TDP1: variants seen among roughly 807,000 people sequenced by gnomAD.
TDP1 encodes tyrosyl-DNA phosphodiesterase 1.
TDP1 carries 64 observed loss-of-function variants against 81.5 expected under a neutral mutation model. The observed-to-expected ratio is 0.79, with a 90% CI of 0.64 to 0.97. The LOEUF (loss-of-function observed/expected upper bound fraction) is 0.97. TDP1 is among the 50% of genes least tolerant of loss of function. The probability of loss-of-function intolerance (pLI) is 0.00; values close to 1 mark genes in which losing one functional copy is unlikely to be tolerated. For missense variants in TDP1, 723 were observed against 743.8 expected (o/e 0.97, Z 0.33); for synonymous variants, 256 against 264.3 (o/e 0.97, Z 0.30).
At chr14:90,033,309 C>T (rs561661834) in intron 16 of TDP1, 95 bp downstream of exon 16, 6 of 786,336 alleles carry the variant, frequency 7.6e-6, no homozygotes, top group African/African-American at 1.7e-5. Flanking sequence ...GATCCTGGCT[C>T]ATGGAACCCT....
intron 15 of TDP1, among the ~76,000 whole-genome samples, chr14:90,020,375 C>CTTCCCTCCCTCT (rs1885849180): frequency 7.8e-6 from 1 of 128,884 alleles, no homozygotes; most frequent in African/African-American, 3.6e-5. Flanking sequence ...TCCCTCCCTC[C>CTTCCCTCCCTCT]CTTCCTTCCT....
intron 14 of TDP1, among the ~76,000 whole-genome samples, chr14:90,007,526 T>G (rs145333226): frequency 9.6e-4 from 146 of 152,034 alleles, no homozygotes; most frequent in African/African-American, 3.4e-3. Flanking sequence ...GAAGCAGAGG[T>G]GGCAGTGAGC....
rs74080557 is a variant in TDP1 at position 90,027,410 on chromosome 14, G to A, written c.1645-5696G>A. 2.2e-3 allele frequency among the ~76,000 whole-genome samples: 342 copies of A among 152,000 alleles called. 4 individuals are homozygous for A. Among genetic ancestry groups the A allele is most frequent in the African/African-American group, 7.6e-3 (313 of 41,412 alleles). On this transcript the variant is annotated intron_variant, in intron 15 of 16. Transcript: ENST00000335725. ...ATCTTTGGCCCACGAGATGATGTCC[G>A]GACTCCTTTGTGTGACATCAAGGTC...
At chr14:89,970,875 G>T in intron 5 of TDP1, 1 of 524,916 alleles carries the variant, frequency 1.9e-6, no homozygotes, top group Non-Finnish European at 2.4e-6. Context: ...GTCTTGCTCT[G>T]GCACCCAGGC....
intron 2 of TDP1, 159 bp from the exon 3 acceptor site, chr14:89,962,949 T>C: frequency 1.0e-6 from 1 of 985,374 alleles, no homozygotes; most frequent in African/African-American, 1.7e-5. Context: ...TAGTGGATTC[T>C]GGTAATGTGC....
chr14:90,038,825 G>A (rs533994296), intron 16 of TDP1, among the ~76,000 whole-genome samples: 1 of 151,316 alleles, frequency 6.6e-6, no homozygotes, highest in South Asian at 2.1e-4. Flanking sequence ...GTGACAGAGC[G>A]AGACTCCATC....
chr14:90,043,108 C>A lies in TDP1; in HGVS notation c.1792C>A (p.Pro598Thr). ...WIWNIPYVKA[P>T]DTHGNMWVPS ...ATGGAACATTCCTTATGTCAAAGCA[C>A]CGGATACGCATGGGAACATGTGGGT... Residue 598 changes from proline to threonine, a missense_variant, in exon 17 of 17, where the codon CCG becomes ACG. Transcript: ENST00000335725. 6.2e-7 allele frequency: 1 copy of A among 1,614,192 alleles called. No individual in the cohort carries two copies. Among genetic ancestry groups the A allele is most frequent in the Non-Finnish European group, 8.5e-7 (1 of 1,180,036 alleles).
chr14:89,988,568 A>C (rs1895827771), intron 10 of TDP1: 1 of 979,140 alleles, frequency 1.0e-6, no homozygotes, highest in Admixed American at 6.2e-5. Flanking sequence ...TGTGATTTCA[A>C]GTAAAAAAAA....
intron 14 of TDP1, among the ~76,000 whole-genome samples, chr14:90,007,043 A>C (rs1884111293): frequency 6.6e-6 from 1 of 152,142 alleles, no homozygotes; most frequent in Admixed American, 6.5e-5. Flanking sequence ...GGCTTTCAAA[A>C]TTAGTCATTG....
intron 16 of TDP1, among the ~76,000 whole-genome samples, chr14:90,042,347 T>C (rs1233824961): frequency 1.3e-5 from 2 of 152,148 alleles, no homozygotes; most frequent in African/African-American, 2.4e-5. Flanking sequence ...CCAGATACAA[T>C]GTCTATGTGG....
At chr14:89,955,920 G>GGCC (rs35210768), upstream of TDP1, 11,114 of 152,408 alleles carry the variant, frequency 0.073, 714 homozygotes, top group South Asian at 0.22. Flanking sequence ...CATGCGCGGC[G>GGCC]GCCGCCGAAG....
chr14:89,980,814 C>T (rs1017804399), intron 8 of TDP1, 182 bp downstream of exon 8: 1 of 612,042 alleles, frequency 1.6e-6, no homozygotes, highest in South Asian at 1.9e-5. Flanking sequence ...CCCATTCTAC[C>T]TTCTTGGGGT....
intron 14 of TDP1, among the ~76,000 whole-genome samples, chr14:89,996,275 G>A (rs1896643955): frequency 6.6e-6 from 1 of 152,038 alleles, no homozygotes; most frequent in Admixed American, 6.6e-5. Context: ...CCTCAGTTTG[G>A]AAGTCATGCC....
chr14:90,036,816 TAA>T (rs10645574), intron 16 of TDP1, among the ~76,000 whole-genome samples: 5 of 131,604 alleles, frequency 3.8e-5, no homozygotes, highest in Admixed American at 7.8e-5. Context: ...CCCCGCCCCT[TAA>T]AAAAAAAAAA....
intron 14 of TDP1, among the ~76,000 whole-genome samples, chr14:90,005,927 T>C (rs1412926941): frequency 1.3e-5 from 2 of 152,222 alleles, no homozygotes; most frequent in Non-Finnish European, 2.9e-5. Flanking sequence ...TTTGGATTAT[T>C]GATGTGATGA....
rs1464018873 is a variant in TDP1 at position 89,988,983 on chromosome 14, T to A, written c.1210T>A (p.Leu404Met). The part of the protein sequence containing the change: ...VVGQFSSVGS[L>M]GADESKWLCS... ...AGGTCAGTTTTCAAGCGTTGGCTCC[T>A]TGGGAGCCGATGAATCAAAGTGGTT... Residue 404 changes from leucine (L) to methionine (M), a missense_variant, in exon 11 of 17, where the codon TTG (leucine) becomes ATG (methionine). Coordinates refer to ENST00000335725, the MANE Select transcript of TDP1 (RefSeq NM_018319.4). The A allele has an allele frequency of 1.9e-6, 3 of 1,614,082 alleles. 1 individual carries two copies. The highest frequency in any genetic ancestry group is 2.2e-5 in the South Asian group (2 of 91,084).
chr14:90,006,702 A>G (rs1467116131), intron 14 of TDP1, among the ~76,000 whole-genome samples: 1 of 151,500 alleles, frequency 6.6e-6, no homozygotes, highest in South Asian at 2.1e-4. Flanking sequence ...AAGCCTGGCT[A>G]ATTTTTTTGT....
At chr14:89,965,811 G>T in intron 3 of TDP1, 1 of 984,814 alleles carries the variant, frequency 1.0e-6, no homozygotes, top group Admixed American at 6.1e-5. Context: ...GACTTGAATG[G>T]GTACTTGGAG....
At position 89,991,925 on chromosome 14, in the gene TDP1, T is replaced by C; in HGVS notation, c.1375T>C (p.Ser459Pro). Residue 459 changes from serine to proline, a missense_variant, in exon 13 of 17, where the codon TCT becomes CCT. Transcript: ENST00000335725. ...TSLEGYPAGGSLPYSIQTAEK... is the reference protein window; with the variant it reads ...TSLEGYPAGGPLPYSIQTAEK... ...TATTTTTCTTTTAAAAGCTGGGGGC[T>C]CTCTTCCCTATAGCATCCAGACAGC... The C allele has an allele frequency of 6.2e-7, 1 of 1,609,060 alleles. No individual in the cohort carries two copies.
Sources: allele counts gnomAD v4.1 joint callset (sites outside exome capture counted in the v4.1 genomes callset), GRCh38; gene constraint gnomAD v4.1.1; transcripts MANE v1.5; gene names NCBI Gene and HGNC (gene_info 2026-07-23, HGNC 2026-07-21).